Variants in PCDH9 observed in about 807,000 individuals in gnomAD.
PCDH9 encodes protocadherin-9.
Under a neutral mutation model 70.6 loss-of-function variants are expected in PCDH9, and 24 were observed. The ratio of observed to expected loss-of-function variants is 0.34; its 90% CI spans 0.25 to 0.48. The LOEUF is 0.48. PCDH9 is among the 20% of genes least tolerant of loss of function. The pLI, the probability that PCDH9 is intolerant of heterozygous loss-of-function variation, is 0.99. For missense variants in PCDH9, 1,281 were observed against 1,503.6 expected, an observed-to-expected ratio of 0.85 and a Z score of 2.45; for synonymous variants, 562 against 558.5, an observed-to-expected ratio of 1.01 and a Z score of -0.09.
chr13:66,338,651 G>A (rs1956076672), intron 4 of PCDH9, among the ~76,000 whole-genome samples: 1 of 151,214 alleles, frequency 6.6e-6, no homozygotes, highest in African/African-American at 2.4e-5. Context: ...TAGAGGGGTG[G>A]GGGGTGGTTC....
At chr13:66,630,717 A>T (rs1005595099) in intron 4 of PCDH9, 2 of 151,806 alleles carry the variant, frequency 1.3e-5, no homozygotes, top group African/African-American at 4.8e-5. Context: ...TTTTTTTTTT[A>T]AATTTTCTGG....
At chr13:67,102,675 A>T (rs527687396) in intron 2 of PCDH9, among the ~76,000 whole-genome samples, 1 of 152,324 alleles carries the variant, frequency 6.6e-6, no homozygotes, top group Non-Finnish European at 1.5e-5. Context: ...TAAAAGTTTA[A>T]ATAATCAGGA....
chr13:67,209,803 A>T (rs2089432806), intron 2 of PCDH9: 1 of 152,058 alleles, frequency 6.6e-6, no homozygotes, highest in African/African-American at 2.4e-5. Context: ...ATTTCATCTA[A>T]TTAATGTGGT....
At chr13:66,481,468 T>C (rs1247415292) in intron 4 of PCDH9, among the ~76,000 whole-genome samples, 1 of 152,212 alleles carries the variant, frequency 6.6e-6, no homozygotes, top group East Asian at 1.9e-4. Context: ...AAAGTATTCA[T>C]AAATTAAGGT....
intron 4 of PCDH9, among the ~76,000 whole-genome samples, chr13:66,427,522 G>C (rs1957691928): frequency 6.6e-6 from 1 of 151,716 alleles, no homozygotes; most frequent in Admixed American, 6.6e-5. Context: ...GTTTGCTCTT[G>C]TCACAGTCAT....
At chr13:67,127,642 T>C (rs1487949597) in intron 2 of PCDH9, among the ~76,000 whole-genome samples, 5 of 151,670 alleles carry the variant, frequency 3.3e-5, no homozygotes, top group Admixed American at 2.6e-4. Flanking sequence ...AGCTCTCCTA[T>C]TCATTTCAAG....
intron 3 of PCDH9, among the ~76,000 whole-genome samples, chr13:66,827,946 A>C (rs756623370): frequency 3.3e-5 from 5 of 152,192 alleles, no homozygotes; most frequent in Non-Finnish European, 7.3e-5. Flanking sequence ...GCATTAATTA[A>C]ACAAAAAAGT....
intron 3 of PCDH9, among the ~76,000 whole-genome samples, chr13:66,662,162 A>G (rs933165054): frequency 3.9e-5 from 6 of 152,060 alleles, no homozygotes; most frequent in African/African-American, 1.4e-4. Flanking sequence ...AAGTATATCA[A>G]AGATGAGAAC....
chr13:66,671,699 A>G (rs1450397567), intron 3 of PCDH9, among the ~76,000 whole-genome samples: 1 of 152,196 alleles, frequency 6.6e-6, no homozygotes, highest in Non-Finnish European at 1.5e-5. Context: ...GATTTAGGGT[A>G]TCTGGCAGAA....
At chr13:66,836,487 A>T (rs2081020591) in intron 3 of PCDH9, among the ~76,000 whole-genome samples, 1 of 152,086 alleles carries the variant, frequency 6.6e-6, no homozygotes, top group African/African-American at 2.4e-5. Flanking sequence ...AATTCCGTTC[A>T]ATTTCCTTTC....
At chr13:67,094,161 T>A (rs898366923) in intron 2 of PCDH9, among the ~76,000 whole-genome samples, 5 of 152,090 alleles carry the variant, frequency 3.3e-5, no homozygotes, top group Admixed American at 6.6e-5. Context: ...AGGGGCAAAA[T>A]AGAACATTCT....
chr13:66,495,892 G>T lies in PCDH9; in HGVS notation c.3340+135318C>A, dbSNP rs562060544. Among the ~76,000 whole-genome samples the T allele has an allele frequency of 1.1e-4, 17 of 152,288 alleles. No individual in the cohort carries two copies. The South Asian group carries it at 3.5e-3, about 32-fold the overall frequency. On this transcript the variant is annotated intron_variant, in intron 4 of 4. Coordinates refer to ENST00000377865, the MANE Select transcript of PCDH9 (RefSeq NM_203487.3). ...ACATATTGAGTGTTCCTGAGCAAAT[G>T]ACTCTACTCATCTTTGTGACTGAGT... is the stretch of plus-strand genomic sequence containing the variant.
chr13:66,528,206 G>C (rs1441477872), intron 4 of PCDH9, among the ~76,000 whole-genome samples: 1 of 152,096 alleles, frequency 6.6e-6, no homozygotes, highest in Non-Finnish European at 1.5e-5. Context: ...TGGTCCCTTT[G>C]GAGCTAGCTT....
intron 2 of PCDH9, among the ~76,000 whole-genome samples, chr13:67,072,412 T>G (rs1441753619): frequency 1.3e-5 from 2 of 152,162 alleles, no homozygotes; most frequent in Admixed American, 1.3e-4. Flanking sequence ...CGTACCCTCT[T>G]GACTGCCAAT....
At chr13:67,195,038 G>A (rs139876343) in intron 2 of PCDH9, among the ~76,000 whole-genome samples, 3 of 152,142 alleles carry the variant, frequency 2.0e-5, no homozygotes, top group African/African-American at 7.2e-5. Context: ...AGAAATTTCC[G>A]TAAGAGGATG....
At chr13:67,031,508 C>A (rs1594416206) in intron 2 of PCDH9, among the ~76,000 whole-genome samples, 1 of 151,974 alleles carries the variant, frequency 6.6e-6, no homozygotes, top group South Asian at 2.1e-4. Flanking sequence ...AGTGGTGAAA[C>A]CCTGTCTCTA....
rs753098316 is a variant in PCDH9, at chr13:67,088,151, C to G, written c.3036+137254G>C. On this transcript the variant is annotated intron_variant, in intron 2 of 4. Transcript: ENST00000377865. Reference sequence around the variant, plus strand: ...TTTACTGCCTAAAGAATAAGAATTTCTGCTTGGATGGCTTGATGTGACATT... The same window carrying G: ...TTTACTGCCTAAAGAATAAGAATTTGTGCTTGGATGGCTTGATGTGACATT... Among the ~76,000 whole-genome samples the G allele has an allele frequency of 6.9e-4, 103 of 149,262 alleles. 1 individual carries two copies. Among genetic ancestry groups the G allele is most frequent in the Non-Finnish European group, 9.2e-4 (62 of 67,316 alleles).
At chr13:67,019,668 T>G (rs558276250) in intron 2 of PCDH9, among the ~76,000 whole-genome samples, 21 of 152,284 alleles carry the variant, frequency 1.4e-4, no homozygotes, top group African/African-American at 5.1e-4. Flanking sequence ...CCTTAGTAAG[T>G]GCTCAGCAAA....
At chr13:66,780,271 C>A (rs768609025) in intron 3 of PCDH9, among the ~76,000 whole-genome samples, 1 of 152,062 alleles carries the variant, frequency 6.6e-6, no homozygotes, top group African/African-American at 2.4e-5. Context: ...TTGATGGAAG[C>A]AAATCTATTT....
Sources: gnomAD v4.1 joint callset for allele counts (sites outside exome capture counted in the v4.1 genomes callset) on GRCh38, gnomAD v4.1.1 for gene constraint, MANE v1.5 for transcripts, NCBI Gene and HGNC (gene_info 2026-07-23, HGNC 2026-07-21) for gene names.